SHANK2: variants seen among roughly 807,000 people sequenced by gnomAD.
The protein encoded by SHANK2 is SH3 and multiple ankyrin repeat domains protein 2.
SHANK2 carries 43 observed loss-of-function variants against 133.7 expected under a neutral mutation model. The ratio of observed to expected loss-of-function variants is 0.32; its 90% CI spans 0.25 to 0.41. The LOEUF is 0.41. Among genes scored for constraint, SHANK2 ranks in the 10% least tolerant of loss-of-function variants. The probability of loss-of-function intolerance (pLI) is 1.00; values close to 1 mark genes in which losing one functional copy is unlikely to be tolerated. For synonymous variants in SHANK2, 1,017 were observed against 952.8 expected (o/e 1.07, Z -1.24); for missense variants, 1,994 against 2,235.8 (o/e 0.89, Z 2.18).
intron 15 of SHANK2, among the ~76,000 whole-genome samples, chr11:70,672,930 C>T (rs1944841915): frequency 1.3e-5 from 2 of 152,174 alleles, no homozygotes; most frequent in South Asian, 2.1e-4. Context: ...TGGACAGGAC[C>T]CTCAACCACC....
chr11:70,694,403 G>A (rs1945350581), intron 15 of SHANK2, among the ~76,000 whole-genome samples: 1 of 152,214 alleles, frequency 6.6e-6, no homozygotes, highest in Non-Finnish European at 1.5e-5. Context: ...GTTGGAAGGG[G>A]AGAAACCTCC....
chr11:70,671,858 G>A (rs1944815290), intron 15 of SHANK2, among the ~76,000 whole-genome samples: 1 of 152,084 alleles, frequency 6.6e-6, no homozygotes, highest in South Asian at 2.1e-4. Flanking sequence ...ACACCCAAGT[G>A]CTGGCCCAAA....
intron 17 of SHANK2, among the ~76,000 whole-genome samples, chr11:70,520,747 C>T (rs2059320274): frequency 1.3e-5 from 2 of 152,214 alleles, no homozygotes; most frequent in Non-Finnish European, 2.9e-5. Flanking sequence ...CTCCCTTTAT[C>T]TTTCAGTTGT....
intron 15 of SHANK2, among the ~76,000 whole-genome samples, chr11:70,683,910 AG>A (rs1555018948): frequency 6.6e-6 from 1 of 151,838 alleles, no homozygotes; most frequent in Non-Finnish European, 1.5e-5. Context: ...CAGCCTCCCA[AG>A]TAGCTGGGAT....
intron 14 of SHANK2, among the ~76,000 whole-genome samples, chr11:70,776,884 TCCAC>T (rs1346631534): frequency 6.7e-6 from 1 of 149,384 alleles, no homozygotes; most frequent in Non-Finnish European, 1.5e-5. Context: ...CACCCATCCA[TCCAC>T]CCACCCACTC....
At chr11:71,063,428 G>A (rs1951011783) in intron 9 of SHANK2, among the ~76,000 whole-genome samples, 1 of 152,220 alleles carries the variant, frequency 6.6e-6, no homozygotes, top group Non-Finnish European at 1.5e-5. Context: ...ACATGTGTCT[G>A]TGTACACGTG....
chr11:70,632,939 C>T (rs571988129), intron 17 of SHANK2, among the ~76,000 whole-genome samples: 83 of 152,016 alleles, frequency 5.5e-4, no homozygotes, highest in Non-Finnish European at 6.3e-4. Context: ...TCCCAGTGAG[C>T]CCCTTGCATG....
intron 13 of SHANK2, among the ~76,000 whole-genome samples, chr11:70,802,826 T>C (rs951373257): frequency 2.6e-5 from 4 of 152,242 alleles, no homozygotes; most frequent in Non-Finnish European, 4.4e-5. Context: ...CTTAGTTTTT[T>C]GCTTGCCAGA....
intron 17 of SHANK2, among the ~76,000 whole-genome samples, chr11:70,614,415 G>A (rs1406051992): frequency 1.3e-5 from 2 of 151,552 alleles, no homozygotes; most frequent in Admixed American, 1.3e-4. Flanking sequence ...GGTTCTAAGA[G>A]ATTCTCCTGC....
At chr11:70,927,986 T>C (rs139061174) in intron 10 of SHANK2, among the ~76,000 whole-genome samples, 2 of 152,316 alleles carry the variant, frequency 1.3e-5, no homozygotes, top group African/African-American at 4.8e-5. Flanking sequence ...AGATGGCAGA[T>C]TGTGGGACTT....
At chr11:70,705,449 A>G (rs1555024676) in intron 14 of SHANK2, among the ~76,000 whole-genome samples, 1 of 152,210 alleles carries the variant, frequency 6.6e-6, no homozygotes, top group East Asian at 1.9e-4. Context: ...GCAAAGGCTG[A>G]GTTTGGCCTC....
intron 2 of SHANK2, among the ~76,000 whole-genome samples, chr11:71,209,127 T>C (rs4944446): frequency 0.38 from 57,392 of 151,946 alleles, 13,100 homozygotes; most frequent in East Asian, 0.65. Flanking sequence ...CTCTGCTCAT[T>C]TCACCACAGA....
chr11:70,688,134 G>A (rs1555020103), intron 15 of SHANK2, among the ~76,000 whole-genome samples: 1 of 152,122 alleles, frequency 6.6e-6, no homozygotes, highest in Non-Finnish European at 1.5e-5. Flanking sequence ...GAGTGGTCCT[G>A]GAGCCACTTA....
chr11:70,783,643 T>C (rs1179625179), intron 14 of SHANK2, among the ~76,000 whole-genome samples: 6 of 150,234 alleles, frequency 4.0e-5, no homozygotes, highest in Admixed American at 3.3e-4. Flanking sequence ...AGACCAGCCC[T>C]GGGCAGAGAC....
At chr11:71,216,919 G>A (rs546744783) in intron 2 of SHANK2, among the ~76,000 whole-genome samples, 1 of 152,162 alleles carries the variant, frequency 6.6e-6, no homozygotes, top group Non-Finnish European at 1.5e-5. Context: ...TAAAGAGGCT[G>A]GGTGCAGTGG....
chr11:70,645,125 C>A (rs943123041), intron 17 of SHANK2, among the ~76,000 whole-genome samples: 1 of 152,154 alleles, frequency 6.6e-6, no homozygotes, highest in East Asian at 1.9e-4. Context: ...GCAGGAGAAT[C>A]GCTTGAACCT....
intron 17 of SHANK2, among the ~76,000 whole-genome samples, chr11:70,658,299 A>T (rs1555012283): frequency 8.5e-6 from 1 of 118,312 alleles, no homozygotes; most frequent in African/African-American, 3.5e-5. Flanking sequence ...ACACACACAC[A>T]CACACACAGA....
At chr11:71,163,088 A>AC in intron 2 of SHANK2, among the ~76,000 whole-genome samples, 2 of 110,606 alleles carry the variant, frequency 1.8e-5, no homozygotes, top group Non-Finnish European at 3.9e-5. Context: ...AAAAAAAAAA[A>AC]AAAAAATACA....
chr11:71,196,222 T>C (rs1157956003), intron 2 of SHANK2, among the ~76,000 whole-genome samples: 1 of 152,120 alleles, frequency 6.6e-6, no homozygotes, highest in African/African-American at 2.4e-5. Flanking sequence ...AATAAATGGA[T>C]GGTTCTTAAA....
Sources: allele counts gnomAD v4.1 joint callset (sites outside exome capture counted in the v4.1 genomes callset), GRCh38; gene constraint gnomAD v4.1.1; transcripts MANE v1.5; gene names NCBI Gene and HGNC (gene_info 2026-07-23, HGNC 2026-07-21).